Variants in ASB4 observed in about 807,000 individuals in gnomAD.
ASB4 encodes ankyrin repeat and SOCS box containing 4.
ASB4 carries 35 observed loss-of-function variants against 38.6 expected under a neutral mutation model. The ratio of observed to expected loss-of-function variants is 0.91; its 90% CI spans 0.69 to 1.20. The LOEUF is 1.20. Ranked by LOEUF, ASB4 falls within the 50% of genes most tolerant of loss-of-function variation. The probability of loss-of-function intolerance (pLI) is 0.00; values close to 1 mark genes in which losing one functional copy is unlikely to be tolerated. For missense variants in ASB4, 557 were observed against 527.2 expected (o/e 1.06, Z -0.55); for synonymous variants, 195 against 201.3 (o/e 0.97, Z 0.26).
chr7:95,550,795 A>C, the ASB4 span, among the ~76,000 whole-genome samples: 1 of 152,116 alleles, frequency 6.6e-6, no homozygotes. Flanking sequence ...AGGACGGCAA[A>C]GGTTACTTGA....
In ASB4 at chr7:95,528,239, A is replaced by G; in HGVS notation, c.914A>G (p.Glu305Gly). 6.2e-7 allele frequency: 1 copy of G among 1,614,160 alleles called. No individual in the cohort carries two copies. The highest frequency in any genetic ancestry group is 8.5e-7 in the Non-Finnish European group (1 of 1,180,018). The change falls in exon 3 of 5, where the codon GAG becomes GGG. Residue 305 changes from glutamate (E) to glycine (G), a missense_variant. By Grantham distance (98) the Glu-to-Gly change is moderately conservative. Transcript: ENST00000325885. Reference sequence around the variant, plus strand: ...TCCGTGCGCCCTGCTGCCCAGCCTGAGATCTGCTACCAGCTCCTGTTGAAC... The same window carrying G: ...TCCGTGCGCCCTGCTGCCCAGCCTGGGATCTGCTACCAGCTCCTGTTGAAC... ...VTSVRPAAQP[E>G]ICYQLLLNHG...
chr7:95,487,174 G>T (rs865796078), intron 1 of ASB4, among the ~76,000 whole-genome samples: 2 of 152,122 alleles, frequency 1.3e-5, no homozygotes, highest in South Asian at 2.1e-4. Flanking sequence ...TCCTCCGATT[G>T]TCAGTTCTGA....
intron 1 of ASB4, among the ~76,000 whole-genome samples, chr7:95,488,216 C>CTACA (rs1384231625): frequency 6.6e-6 from 1 of 152,176 alleles, no homozygotes. Context: ...TGGCGGCCGC[C>CTACA]TGTAGTCCCA....
chr7:95,545,826 T>C, the ASB4 span, among the ~76,000 whole-genome samples: 17 of 152,206 alleles, frequency 1.1e-4, no homozygotes, highest in Non-Finnish European at 1.9e-4. Flanking sequence ...CAAAATGAGA[T>C]ATGCATGTTT....
At chr7:95,533,182 G>A (rs1562822620) in intron 3 of ASB4, among the ~76,000 whole-genome samples, 1 of 152,134 alleles carries the variant, frequency 6.6e-6, no homozygotes, top group East Asian at 1.9e-4. Context: ...GCCAGGGAGA[G>A]GCCTGCAATT....
intron 2 of ASB4, among the ~76,000 whole-genome samples, chr7:95,498,993 T>C (rs888095532): frequency 1.4e-4 from 22 of 152,214 alleles, no homozygotes; most frequent in African/African-American, 5.3e-4. Flanking sequence ...GCCTATTCCA[T>C]TGACCTATAT....
chr7:95,501,317 G>A (rs1016127744), intron 2 of ASB4, among the ~76,000 whole-genome samples: 5 of 152,164 alleles, frequency 3.3e-5, no homozygotes, highest in Non-Finnish European at 7.3e-5. Context: ...CCTTTTAAAA[G>A]ACTGTTCCCT....
chr7:95,549,772 A>G, the ASB4 span, among the ~76,000 whole-genome samples: 1 of 152,122 alleles, frequency 6.6e-6, no homozygotes, highest in Non-Finnish European at 1.5e-5. Flanking sequence ...CAATTTCTCT[A>G]AAGACCCCTT....
chr7:95,526,028 A>AT (rs541765328), intron 2 of ASB4, among the ~76,000 whole-genome samples: 333 of 152,186 alleles, frequency 2.2e-3, no homozygotes, highest in Non-Finnish European at 3.9e-3. Flanking sequence ...TGGTAAACGG[A>AT]TTTTTTTTAA....
chr7:95,533,001 A>G (rs1388922444), intron 3 of ASB4, among the ~76,000 whole-genome samples: 3 of 152,284 alleles, frequency 2.0e-5, no homozygotes, highest in Non-Finnish European at 4.4e-5. Flanking sequence ...CATGAGGAAA[A>G]TGCTGCTAAA....
At position 95,480,877 on chromosome 7, in the gene ASB4, CA is replaced by C. The variant is rs573915248; in HGVS notation, n.157+2283del. On this transcript the variant is annotated intron_variant and non_coding_transcript_variant, in intron 1 of 1. Coordinates refer to the ASB4 transcript ENST00000257621. ...CAGTGTCTGGCTCATAGTAAGTTCC[CA>C]AAAAATATTTATTGAATGAAGGGCT... is the stretch of plus-strand genomic sequence containing the variant. Among the ~76,000 whole-genome samples, 786 of 152,092 alleles carry C rather than the reference CA, an allele frequency of 5.2e-3. 6 individuals are homozygous for C. Among genetic ancestry groups the C allele is most frequent in the African/African-American group, 0.018 (730 of 41,478 alleles).
At chr7:95,521,778 A>G (rs1790665839) in intron 2 of ASB4, among the ~76,000 whole-genome samples, 1 of 150,188 alleles carries the variant, frequency 6.7e-6, no homozygotes, top group Non-Finnish European at 1.5e-5. Context: ...AGTTTTTTAA[A>G]ACACAAAATA....
intron 2 of ASB4, among the ~76,000 whole-genome samples, chr7:95,496,667 G>C (rs1195980474): frequency 6.6e-6 from 1 of 151,968 alleles, no homozygotes; most frequent in Admixed American, 6.6e-5. Flanking sequence ...GGCAACATAG[G>C]GAGACCCCAT....
At chr7:95,525,871 G>A (rs1790729313) in intron 2 of ASB4, among the ~76,000 whole-genome samples, 1 of 152,198 alleles carries the variant, frequency 6.6e-6, no homozygotes, top group African/African-American at 2.4e-5. Flanking sequence ...CAGTCTCAGA[G>A]TTTACAGAGC....
the ASB4 span, among the ~76,000 whole-genome samples, chr7:95,470,914 G>T: frequency 3.2e-3 from 483 of 152,198 alleles, 1 homozygote; most frequent in Middle Eastern, 0.014. Context: ...ATAACTCTCC[G>T]GGTGGTTCCC....
At chr7:95,487,544 T>C (rs1159315086) in intron 1 of ASB4, among the ~76,000 whole-genome samples, 1 of 152,214 alleles carries the variant, frequency 6.6e-6, no homozygotes, top group African/African-American at 2.4e-5. Flanking sequence ...GTTGCACAGA[T>C]TGTGGGAAGT....
intron 2 of ASB4, among the ~76,000 whole-genome samples, chr7:95,523,003 A>G (rs901262800): frequency 1.3e-5 from 2 of 152,180 alleles, no homozygotes; most frequent in African/African-American, 4.8e-5. Flanking sequence ...TACAAATTTT[A>G]TAGGGTATAG....
intron 2 of ASB4, among the ~76,000 whole-genome samples, chr7:95,525,169 T>A (rs566879023): frequency 6.6e-6 from 1 of 151,982 alleles, no homozygotes; most frequent in South Asian, 2.1e-4. Flanking sequence ...AGGAGAGAGG[T>A]CTGAGGCAGA....
chr7:95,504,767 C>A (rs1790385379), intron 2 of ASB4, among the ~76,000 whole-genome samples: 1 of 152,170 alleles, frequency 6.6e-6, no homozygotes, highest in Non-Finnish European at 1.5e-5. Context: ...TGCTCAGAGA[C>A]CCTCTGTTCT....
Sources: allele counts gnomAD v4.1 joint callset (sites outside exome capture counted in the v4.1 genomes callset), GRCh38; gene constraint gnomAD v4.1.1; transcripts MANE v1.5; gene names NCBI Gene and HGNC (gene_info 2026-07-23, HGNC 2026-07-21).